CPA6: variants seen among roughly 807,000 people sequenced by gnomAD.
CPA6 encodes carboxypeptidase B.
A neutral mutation model predicts 63.3 loss-of-function variants in CPA6; 58 were observed. That is an observed-to-expected ratio of 0.92 (90% CI 0.74 to 1.14). CPA6 has a LOEUF of 1.14. CPA6 is among the 50% of genes most tolerant of loss of function. CPA6 has a pLI of 0.00. For synonymous variants in CPA6, 185 were observed against 179.0 expected (o/e 1.03, Z -0.27); for missense variants, 565 against 526.6 (o/e 1.07, Z -0.71).
At chr8:67,657,345 G>A (rs1200313740) in intron 1 of CPA6, among the ~76,000 whole-genome samples, 1 of 152,152 alleles carries the variant, frequency 6.6e-6, no homozygotes, top group Non-Finnish European at 1.5e-5. Context: ...GATGTTGCTG[G>A]AGAATAAAGA....
At chr8:67,648,258 GTT>G (rs4009129) in intron 1 of CPA6, among the ~76,000 whole-genome samples, 275 of 113,880 alleles carry the variant, frequency 2.4e-3, no homozygotes, top group African/African-American at 5.6e-3. Flanking sequence ...CCTAGATTAG[GTT>G]TTTTTTTTTT....
intron 8 of CPA6, among the ~76,000 whole-genome samples, chr8:67,451,477 C>A (rs1587440716): frequency 6.6e-6 from 1 of 152,190 alleles, no homozygotes; most frequent in East Asian, 1.9e-4. Context: ...AGGGATCCCA[C>A]TGACTCTACA....
intron 2 of CPA6, among the ~76,000 whole-genome samples, chr8:67,585,416 C>T (rs748786897): frequency 6.6e-6 from 1 of 152,102 alleles, no homozygotes. Flanking sequence ...TTTGGAGTTG[C>T]ACCAGTGTTT....
chr8:67,426,082 C>T (rs1443049504), intron 10 of CPA6, among the ~76,000 whole-genome samples: 1 of 152,020 alleles, frequency 6.6e-6, no homozygotes, highest in Non-Finnish European at 1.5e-5. Context: ...GATTCTCCTG[C>T]CTCAGCCAAC....
intron 2 of CPA6, among the ~76,000 whole-genome samples, chr8:67,550,351 T>C (rs1812913199): frequency 6.6e-6 from 1 of 152,206 alleles, no homozygotes; most frequent in Non-Finnish European, 1.5e-5. Context: ...GCTGCATCTA[T>C]GTTGCTGCAG....
chr8:67,632,217 C>T (rs1344075582), intron 1 of CPA6, among the ~76,000 whole-genome samples: 1 of 151,618 alleles, frequency 6.6e-6, no homozygotes, highest in Non-Finnish European at 1.5e-5. Context: ...GTCATGCAGG[C>T]TGGAGTGCAG....
chr8:67,576,529 A>T (rs1813630518), intron 2 of CPA6, among the ~76,000 whole-genome samples: 1 of 152,192 alleles, frequency 6.6e-6, no homozygotes, highest in Admixed American at 6.5e-5. Context: ...TTTCTATAAA[A>T]TATATGGTGC....
At chr8:67,571,405 A>G (rs753818063) in intron 2 of CPA6, among the ~76,000 whole-genome samples, 7 of 152,226 alleles carry the variant, frequency 4.6e-5, no homozygotes, top group Non-Finnish European at 8.8e-5. Flanking sequence ...ATACACATTC[A>G]CTTTAAGAAC....
chr8:67,649,287 T>C (rs552454025), intron 1 of CPA6, among the ~76,000 whole-genome samples: 32 of 152,362 alleles, frequency 2.1e-4, no homozygotes, highest in African/African-American at 6.0e-4. Flanking sequence ...TTGTAAAGAA[T>C]AATTAGGCAT....
chr8:67,508,374 C>T (rs1056759975), intron 5 of CPA6, among the ~76,000 whole-genome samples: 1 of 152,028 alleles, frequency 6.6e-6, no homozygotes, highest in Non-Finnish European at 1.5e-5. Flanking sequence ...ATCTGAGGTG[C>T]TTTTCTGAAT....
chr8:67,488,747 TCTC>T (rs1264128194), intron 6 of CPA6, among the ~76,000 whole-genome samples: 1 of 152,212 alleles, frequency 6.6e-6, no homozygotes, highest in Non-Finnish European at 1.5e-5. Context: ...GGTTTGTAGT[TCTC>T]CTTGAAGAGG....
At chr8:67,532,164 T>C (rs1587529388) in intron 2 of CPA6, among the ~76,000 whole-genome samples, 2 of 151,872 alleles carry the variant, frequency 1.3e-5, no homozygotes, top group African/African-American at 4.8e-5. Flanking sequence ...AGAGGATAAA[T>C]TGATGAAATA....
At chr8:67,534,213 G>A (rs995661101) in intron 2 of CPA6, among the ~76,000 whole-genome samples, 1 of 152,156 alleles carries the variant, frequency 6.6e-6, no homozygotes, top group African/African-American at 2.4e-5. Flanking sequence ...CATGAGTAAG[G>A]AGGATATTTT....
At chr8:67,483,383 G>A (rs934081962) in intron 8 of CPA6, 11 of 269,618 alleles carry the variant, frequency 4.1e-5, no homozygotes, top group African/African-American at 1.3e-4. Flanking sequence ...CTCTGACCAC[G>A]ACAGACAGCC....
At chr8:67,480,169 AAT>A (rs1491182936) in intron 8 of CPA6, among the ~76,000 whole-genome samples, 1 of 152,210 alleles carries the variant, frequency 6.6e-6, no homozygotes, top group Non-Finnish European at 1.5e-5. Context: ...TAGAAACAAA[AAT>A]ATTTTTATAA....
At chr8:67,676,061 A>C (rs894416713) in intron 1 of CPA6, among the ~76,000 whole-genome samples, 2 of 152,358 alleles carry the variant, frequency 1.3e-5, no homozygotes, top group Admixed American at 6.5e-5. Flanking sequence ...GCTAACAGTC[A>C]CATTCCTAAA....
At chr8:67,552,145 T>C (rs1459223644) in intron 2 of CPA6, among the ~76,000 whole-genome samples, 1 of 152,180 alleles carries the variant, frequency 6.6e-6, no homozygotes, top group Admixed American at 6.5e-5. Context: ...TATAATAAAA[T>C]CTGTCCCTTG....
At chr8:67,456,439 C>T (rs1810679181) in intron 8 of CPA6, among the ~76,000 whole-genome samples, 1 of 152,196 alleles carries the variant, frequency 6.6e-6, no homozygotes, top group Non-Finnish European at 1.5e-5. Context: ...CCTTTCAATA[C>T]ACTCAACCTA....
At chr8:67,475,814 TTTCC>T (rs1491498254) in intron 8 of CPA6, among the ~76,000 whole-genome samples, 147 of 59,838 alleles carry the variant, frequency 2.5e-3, no homozygotes, top group Admixed American at 3.4e-3. Flanking sequence ...TCTTTCTTTC[TTTCC>T]TTTCTTTTCT....
Sources: allele counts gnomAD v4.1 joint callset (sites outside exome capture counted in the v4.1 genomes callset), GRCh38; gene constraint gnomAD v4.1.1; transcripts MANE v1.5; gene names NCBI Gene and HGNC (gene_info 2026-07-23, HGNC 2026-07-21).